RASSF1: variants seen among roughly 807,000 people sequenced by gnomAD.
RASSF1 encodes the protein Ras association domain family member 1.
RASSF1 carries 33 observed loss-of-function variants against 34.3 expected under a neutral mutation model. That is an observed-to-expected ratio of 0.96 (90% CI 0.73 to 1.29). The LOEUF (loss-of-function observed/expected upper bound fraction) is 1.29, where lower values mean the gene tolerates loss of function less well. Among genes scored for constraint, RASSF1 ranks in the 50% most tolerant of loss-of-function variants. The pLI is 0.00. For synonymous variants in RASSF1, 191 were observed against 195.0 expected (o/e 0.98, Z 0.17); for missense variants, 445 against 471.8 (o/e 0.94, Z 0.53).
At chr3:50,339,045 G>A (rs1703267194) in intron 1 of RASSF1, among the ~76,000 whole-genome samples, 2 of 152,152 alleles carry the variant, frequency 1.3e-5, no homozygotes, top group African/African-American at 2.4e-5. Context: ...CCAGATCCAC[G>A]GCTGAAACAC....
chr3:50,340,553 C>CA lies in RASSF1; in HGVS notation c.250+2dup. ...CTCGTAGGCGCGCGGGGCCACTACT[C>CA]ACGCGCGCACTGCAGGCCTTTGCGC... On this transcript the variant is annotated splice_region_variant and intron_variant, in intron 1 of 5. Transcript: ENST00000359365. 5.9e-6 allele frequency: 9 copies of CA among 1,515,832 alleles called. No homozygotes were observed. Among genetic ancestry groups the CA allele is most frequent in the Non-Finnish European group, 7.9e-6 (9 of 1,142,428 alleles). The allele number at this position is 1,515,832 out of a possible 1,614,324, so 93.9% of individuals were successfully genotyped here. A position where few individuals can be genotyped will look rare whatever the true frequency, so the allele number is the denominator to read the frequency against.
At chr3:50,336,162 C>A (rs996344295) in intron 2 of RASSF1, among the ~76,000 whole-genome samples, 3 of 152,194 alleles carry the variant, frequency 2.0e-5, no homozygotes, top group African/African-American at 7.2e-5. Context: ...GCCCAGGGGT[C>A]TACACTCAAC....
At position 50,331,834 on chromosome 3, in the gene RASSF1, C is replaced by G. The variant is rs1702957015; in HGVS notation, c.485G>C (p.Gly162Ala). The G allele has an allele frequency of 6.3e-7, 1 of 1,578,230 alleles. No homozygotes were observed. The highest frequency in any genetic ancestry group is 1.4e-5 in the African/African-American group (1 of 73,824). The change falls in exon 4 of 6, where the codon GGC becomes GCC. Residue 162 changes from glycine (G) to alanine (A), a missense_variant. Physicochemically the swap from Gly to Ala is moderately conservative, Grantham distance 60. Transcript: ENST00000359365. Reference protein sequence around the residue: ...MSLNKDGSYTGFIKVQLKLVR... With the variant: ...MSLNKDGSYTAFIKVQLKLVR... Reference sequence around the variant, plus strand: ...CAGCTTCAGCTGAACCTTGATGAAGCCTGTGTAAGAACCGTCCTTGTTCTA... The same window carrying G: ...CAGCTTCAGCTGAACCTTGATGAAGGCTGTGTAAGAACCGTCCTTGTTCTA...
At chr3:50,335,163 T>C (rs587740172) in intron 2 of RASSF1, among the ~76,000 whole-genome samples, 2 of 152,236 alleles carry the variant, frequency 1.3e-5, no homozygotes, top group South Asian at 4.2e-4. Context: ...TTGGCCAGGC[T>C]GGTCTTGAAC....
Position 50,330,395 on chromosome 3 carries a change from C to G in RASSF1, c.*186G>C, listed in dbSNP as rs1702889147. 7.5e-6 allele frequency: 6 copies of G among 797,934 alleles called. No individual in the cohort carries two copies. Among genetic ancestry groups the G allele is most frequent in the Non-Finnish European group, 1.2e-5 (6 of 515,574 alleles). The allele number at this position is 797,934 out of a possible 1,614,324, so 49.4% of individuals were successfully genotyped here. ...TAATGAGGGCAGAGGGGTGCAGAGC[C>G]ATACCTGGCTACACCCACAGGTGGA... On this transcript the variant is annotated 3_prime_UTR_variant, in exon 6 of 6. Coordinates refer to ENST00000359365, the MANE Select transcript of RASSF1 (RefSeq NM_007182.5). This position sits in a 1 kb window ranked among gnomAD's most constrained non-coding sequence, Gnocchi z 4.5.
rs767300615 is a variant in RASSF1, at chr3:50,332,023, C to T, written c.462+27G>A. 40 of 1,607,776 alleles carry T rather than the reference C, an allele frequency of 2.5e-5. No homozygotes were observed. In the South Asian group the frequency reaches 2.9e-4, roughly 11 times the overall value. ...ATAGCTGGGTACCTGCTCCTCCCCA[C>T]GCCCCCTTCCTGAGCAGTCAACTCA... On this transcript the variant is annotated intron_variant, in intron 3 of 5. Coordinates refer to ENST00000359365, the MANE Select transcript of RASSF1 (RefSeq NM_007182.5).
chr3:50,337,356 T>C, intron 2 of RASSF1: 2 of 1,604,788 alleles, frequency 1.2e-6, no homozygotes, highest in Non-Finnish European at 1.7e-6. Context: ...TGCGCGTCCG[T>C]AGCCGCCAAC....
intron 2 of RASSF1, chr3:50,337,442 G>GT: frequency 6.3e-7 from 1 of 1,577,990 alleles, no homozygotes; most frequent in Non-Finnish European, 8.6e-7. Flanking sequence ...CGCCGCAACC[G>GT]TTAAGACTGA....
At chr3:50,333,929 C>T (rs1459838811) in intron 2 of RASSF1, among the ~76,000 whole-genome samples, 2 of 152,204 alleles carry the variant, frequency 1.3e-5, no homozygotes, top group Non-Finnish European at 2.9e-5. Context: ...GCCTTACTTC[C>T]TGTTGACGTC....
chr3:50,335,686 G>C (rs1703111476), intron 2 of RASSF1, among the ~76,000 whole-genome samples: 1 of 151,812 alleles, frequency 6.6e-6, no homozygotes, highest in Non-Finnish European at 1.5e-5. Flanking sequence ...CACGATCTTG[G>C]CTCACTGCAA....
At chr3:50,331,297 C>T (rs767560814) in intron 5 of RASSF1, 37 bp downstream of exon 5, 2 of 1,443,620 alleles carry the variant, frequency 1.4e-6, no homozygotes, top group African/African-American at 1.4e-5. Flanking sequence ...TCAGTCCTGT[C>T]TAGTGACAAC....
Position 50,332,117 on chromosome 3 carries a change from T to A in RASSF1, c.395A>T (p.Gln132Leu). 1.2e-6 allele frequency: 2 copies of A among 1,613,810 alleles called. No homozygotes were observed. The highest frequency in any genetic ancestry group is 1.7e-6 in the Non-Finnish European group (2 of 1,179,754). Reference sequence around the variant, plus strand: ...CTTGATCTTCTGCTCAATCTCAGCTTGAGAAAGGTCAGGTGTCTCCCACTC... The same window carrying A: ...CTTGATCTTCTGCTCAATCTCAGCTAGAGAAAGGTCAGGTGTCTCCCACTC... ...PVEWETPDLS[Q>L]AEIEQKIKEY... The change falls in exon 3 of 6, where the codon CAA (glutamine) becomes CTA (leucine). Residue 132 changes from glutamine to leucine, a missense_variant. Transcript: ENST00000359365.
rs1703210768 is a variant in RASSF1, at chr3:50,337,744, G to C, written c.357+161C>G. On this transcript the variant is annotated intron_variant, in intron 2 of 5. Coordinates refer to ENST00000359365, the MANE Select transcript of RASSF1 (RefSeq NM_007182.5). ...AGTACTTGCGGAGCCGGCAATCCAG[G>C]CTCCCCTCCCAGCCCCCGCGCAGAA... 3 of 892,424 alleles carry C rather than the reference G, an allele frequency of 3.4e-6. No homozygotes were observed. The East Asian group carries it at 8.2e-5, about 24-fold the overall frequency. 55.3% of individuals were successfully genotyped at this position (892,424 alleles called of 1,614,324 possible). A position where few individuals can be genotyped will look rare whatever the true frequency, so the allele number is the denominator to read the frequency against.
chr3:50,337,658 G>T, intron 2 of RASSF1: 1 of 911,750 alleles, frequency 1.1e-6, no homozygotes. Context: ...GGGAAGGTGC[G>T]GGAAGTGCGC....
At chr3:50,340,210 G>T (rs1197233063) in intron 1 of RASSF1, among the ~76,000 whole-genome samples, 1 of 152,196 alleles carries the variant, frequency 6.6e-6, no homozygotes. Context: ...TCTGGAGGGG[G>T]TCATGAGTGT....
chr3:50,331,429 C>A lies in RASSF1; in HGVS notation c.781G>T (p.Asp261Tyr). The A allele has an allele frequency of 6.2e-7, 1 of 1,600,356 alleles. No individual in the cohort carries two copies. Residue 261 changes from aspartate (D) to tyrosine (Y), a missense_variant, in exon 5 of 6, where the codon GAT (aspartate) becomes TAT (tyrosine). Asp to Tyr is a radical substitution (Grantham distance 160). Coordinates refer to ENST00000359365, the MANE Select transcript of RASSF1 (RefSeq NM_007182.5). ...HGQVYLRKLL[D>Y]DEQPLRLRLL... ...CGCAGCCGCAGGGGCTGCTCATCAT[C>A]CAACAGCTTCCGCAAGTACACTGTG...
rs781900455 is a variant in RASSF1, at chr3:50,330,539, G to T, written c.*42C>A. On this transcript the variant is annotated 3_prime_UTR_variant, in exon 6 of 6. Transcript: ENST00000359365. This position sits in a 1 kb window ranked among gnomAD's most constrained non-coding sequence, Gnocchi z 4.5. ...TGTCACACTCACACGGCACGCACTT[G>T]GCGCTGCCTGCTGTCTGCCTTCCAC... 9 of 1,610,618 alleles carry T rather than the reference G, an allele frequency of 5.6e-6. No individual in the cohort carries two copies. Among genetic ancestry groups the T allele is most frequent in the South Asian group, 1.1e-5 (1 of 90,930 alleles).
Position 50,340,657 on chromosome 3 carries a change from C to A in RASSF1, c.149G>T (p.Arg50Leu). 1 of 1,527,256 alleles carries A rather than the reference C, an allele frequency of 6.5e-7. No individual in the cohort carries two copies. The highest frequency in any genetic ancestry group is 1.2e-5 in the South Asian group (1 of 83,278). The allele number at this position is 1,527,256 out of a possible 1,614,324, so 94.6% of individuals were successfully genotyped here. ...CNPTRQLVPG[R>L]GHRFQPAGPA... is the part of the protein sequence containing the mutation. The stretch of plus-strand genomic sequence containing the variant: ...CCCCGCGGGCTGGAAGCGGTGGCCA[C>A]GGCCAGGGACCAGCTGCCGTGTGGG... Residue 50 changes from arginine to leucine, a missense_variant, in exon 1 of 6, where the codon CGT (arginine) becomes CTT (leucine). Coordinates refer to ENST00000359365, the MANE Select transcript of RASSF1 (RefSeq NM_007182.5).
At chr3:50,340,438 G>C in intron 1 of RASSF1, 118 bp downstream of exon 1, 1 of 1,298,644 alleles carries the variant, frequency 7.7e-7, no homozygotes, top group Non-Finnish European at 1.0e-6. Context: ...GAAAGTAACG[G>C]ACCTAGTCCT....
Sources: gnomAD v4.1 joint callset for allele counts (sites outside exome capture counted in the v4.1 genomes callset) on GRCh38, gnomAD v4.1.1 for gene constraint, Gnocchi (gnomAD v3.1) non-coding constraint, MANE v1.5 for transcripts, NCBI Gene and HGNC (gene_info 2026-07-23, HGNC 2026-07-21) for gene names.